The following MED13L variants were observed in gnomAD, a reference collection of about 807,000 sequenced individuals.
MED13L encodes mediator complex subunit 13L.
In MED13L, 7 loss-of-function variants were observed where a neutral mutation model predicts 220.9. The ratio of observed to expected loss-of-function variants is 0.03; its 90% CI spans 0.02 to 0.06. The LOEUF (loss-of-function observed/expected upper bound fraction) is 0.06. Among genes scored for constraint, MED13L ranks in the 10% least tolerant of loss-of-function variants. The pLI is 1.00. For missense variants in MED13L, 1,965 were observed against 2,760.5 expected, an observed-to-expected ratio of 0.71 and a Z score of 6.46; for synonymous variants, 1,011 against 1,015.2, an observed-to-expected ratio of 1.00 and a Z score of 0.08.
At chr12:116,129,829 A>C (rs1248599036) in intron 2 of MED13L, among the ~76,000 whole-genome samples, 1 of 152,054 alleles carries the variant, frequency 6.6e-6, no homozygotes, top group Non-Finnish European at 1.5e-5. Flanking sequence ...GAATCACTTG[A>C]AACAGGGAGG....
At chr12:116,113,240 C>T (rs977469178) in intron 2 of MED13L, among the ~76,000 whole-genome samples, 1 of 152,136 alleles carries the variant, frequency 6.6e-6, no homozygotes, top group Non-Finnish European at 1.5e-5. Context: ...TGATGCAGCA[C>T]TTGTGAAGAG....
intron 2 of MED13L, among the ~76,000 whole-genome samples, chr12:116,187,999 G>A (rs1321792207): frequency 6.6e-6 from 1 of 151,996 alleles, no homozygotes. Context: ...ATTTCAGAGT[G>A]CCAACAACAG....
In MED13L at chr12:116,148,376, T is replaced by C. The variant is rs571168799; in HGVS notation, c.311-36864A>G. Among the ~76,000 whole-genome samples, 19 of 152,016 alleles carry C rather than the reference T, an allele frequency of 1.2e-4. No homozygotes were observed. In the South Asian group the frequency reaches 2.5e-3, roughly 20 times the overall value. On this transcript the variant is annotated intron_variant, in intron 2 of 30. Transcript: ENST00000281928. The stretch of plus-strand genomic sequence containing the variant: ...TTATAATTGTTGATGGTGAACCTTA[T>C]AAATGGGATTATACTTCTCTCCTAC...
rs1992068 is a variant in MED13L at position 115,975,116 on chromosome 12, A to T, written c.5731+55T>A. 0.92 allele frequency: 1,424,596 copies of T among 1,542,800 alleles called. 658,063 individuals are homozygous for T. The highest frequency in any genetic ancestry group is 0.96 in the Admixed American group (57,215 of 59,872). The stretch of plus-strand genomic sequence containing the variant: ...TTCTCCCTTAGCTCAGTTAATGACA[A>T]TAGCTGAGCCCTTTTCCTCTGTCTT... On this transcript the variant is annotated intron_variant, in intron 25 of 30. Transcript: ENST00000281928.
chr12:116,170,800 C>T (rs2138181951), intron 2 of MED13L, among the ~76,000 whole-genome samples: 1 of 152,162 alleles, frequency 6.6e-6, no homozygotes, highest in South Asian at 2.1e-4. Flanking sequence ...GGGGTTTCAG[C>T]ATGTTAGCCA....
intron 2 of MED13L, among the ~76,000 whole-genome samples, chr12:116,158,769 C>T (rs566354316): frequency 5.3e-5 from 8 of 152,238 alleles, no homozygotes; most frequent in South Asian, 2.1e-4. Context: ...GAATTTACTA[C>T]GTCACTTAAT....
At chr12:116,018,875 G>A (rs1329142395) in intron 7 of MED13L, among the ~76,000 whole-genome samples, 1 of 145,232 alleles carries the variant, frequency 6.9e-6, no homozygotes, top group African/African-American at 2.6e-5. Flanking sequence ...CTCTGATTTA[G>A]TATTCTTCAG....
chr12:116,128,726 A>T (rs1396392884), intron 2 of MED13L, among the ~76,000 whole-genome samples: 4 of 152,236 alleles, frequency 2.6e-5, no homozygotes, highest in Admixed American at 2.6e-4. Context: ...CGTGTTCATT[A>T]TATCTGAAAT....
rs1190857852 is a variant in MED13L, at chr12:115,986,369, T to A, written c.4235A>T (p.Tyr1412Phe). 6.2e-7 allele frequency: 1 copy of A among 1,613,980 alleles called. No homozygotes were observed. The highest frequency in any genetic ancestry group is 1.3e-5 in the African/African-American group (1 of 74,896). The stretch of plus-strand genomic sequence containing the variant: ...ATAGGCAACATCACGGTGGCCCCCA[T>A]ATGGGTCCAACAAGAGCCTCTCCCA... ...PFWERLLLDPYGGHRDVAYIV... is the reference protein window; with the variant it reads ...PFWERLLLDPFGGHRDVAYIV... Residue 1412 changes from tyrosine to phenylalanine, a missense_variant, in exon 19 of 31, where the codon TAT (tyrosine) becomes TTT (phenylalanine). This residue lies in a region of MED13L where 510 missense variants were observed against 620.4 expected (regional missense o/e 0.82). Coordinates refer to ENST00000281928, the MANE Select transcript of MED13L (RefSeq NM_015335.5).
At chr12:116,179,592 C>A (rs1051127629) in intron 2 of MED13L, among the ~76,000 whole-genome samples, 1 of 151,744 alleles carries the variant, frequency 6.6e-6, no homozygotes, top group Non-Finnish European at 1.5e-5. Context: ...CCAGCCTGGG[C>A]GACATTCAAG....
In MED13L at chr12:116,196,485, A is replaced by G. The variant is rs1881633838; in HGVS notation, c.310+40983T>C. Reference sequence around the variant, plus strand: ...CCAGAGAAATGACACATGAGATAAGAGTGCTTTCTTTCCAAAACGGTGGCA... The same window carrying G: ...CCAGAGAAATGACACATGAGATAAGGGTGCTTTCTTTCCAAAACGGTGGCA... On this transcript the variant is annotated intron_variant, in intron 2 of 30. Coordinates refer to ENST00000281928, the MANE Select transcript of MED13L (RefSeq NM_015335.5). Among the ~76,000 whole-genome samples the G allele has an allele frequency of 2.0e-5, 3 of 152,314 alleles. No homozygotes were observed. The South Asian group carries it at 6.2e-4, about 32-fold the overall frequency.
At chr12:116,254,921 G>C (rs1871904876) in intron 1 of MED13L, among the ~76,000 whole-genome samples, 1 of 152,114 alleles carries the variant, frequency 6.6e-6, no homozygotes, top group Non-Finnish European at 1.5e-5. Context: ...TGAAGAGCCA[G>C]ACCATGTTCA....
At chr12:115,986,795 T>A (rs1877719821) in intron 18 of MED13L, among the ~76,000 whole-genome samples, 1 of 152,152 alleles carries the variant, frequency 6.6e-6, no homozygotes, top group Non-Finnish European at 1.5e-5. Context: ...TGATTCTGAC[T>A]ATGATGAAGT....
chr12:116,264,948 C>T (rs1266006098), intron 1 of MED13L, among the ~76,000 whole-genome samples: 3 of 152,160 alleles, frequency 2.0e-5, no homozygotes, highest in African/African-American at 7.2e-5. Context: ...GGTAACACAG[C>T]AAGACCCCAC....
chr12:115,980,812 T>G lies in MED13L; in HGVS notation c.5302A>C (p.Ile1768Leu), dbSNP rs1441469669. 1.2e-6 allele frequency: 2 copies of G among 1,614,112 alleles called. No homozygotes were observed. Among genetic ancestry groups the G allele is most frequent in the Non-Finnish European group, 1.7e-6 (2 of 1,180,010 alleles). ...CRRPLPTQIH[I>L]KSLTGFGPAA... ...GGCCCAAATCCCGTGAGGGATTTAA[T>G]GTGGATCTGTGTAGGCAGTGGTCGC... Residue 1768 changes from isoleucine to leucine, a missense_variant, in exon 23 of 31, where the codon ATT (isoleucine) becomes CTT (leucine). Ile to Leu is a conservative substitution (Grantham distance 5). Around this residue, in one of 10 missense-constraint regions of MED13L, gnomAD observed 510 missense variants for 620.4 expected, o/e 0.82. Coordinates refer to ENST00000281928, the MANE Select transcript of MED13L (RefSeq NM_015335.5).
intron 23 of MED13L, 164 bp downstream of exon 23, chr12:115,980,586 A>G: frequency 2.7e-6 from 2 of 753,472 alleles, no homozygotes; most frequent in Non-Finnish European, 4.6e-6. Context: ...AGCCTCCGAA[A>G]GTGCTAAGAC....
chr12:116,090,599 C>A (rs989162014), intron 4 of MED13L, among the ~76,000 whole-genome samples: 2 of 152,132 alleles, frequency 1.3e-5, no homozygotes, highest in African/African-American at 4.8e-5. Flanking sequence ...CTTAGAGAAT[C>A]AGAGAATCAG....
At chr12:116,137,227 T>A (rs750708014) in intron 2 of MED13L, among the ~76,000 whole-genome samples, 1 of 152,128 alleles carries the variant, frequency 6.6e-6, no homozygotes, top group Non-Finnish European at 1.5e-5. Flanking sequence ...TGAATGATGA[T>A]GTAGTGATAA....
At chr12:116,113,176 C>A (rs1874224887) in intron 2 of MED13L, among the ~76,000 whole-genome samples, 1 of 152,170 alleles carries the variant, frequency 6.6e-6, no homozygotes, top group Non-Finnish European at 1.5e-5. Context: ...TCAACCCAGT[C>A]ACTGGTGCAG....
Sources: allele counts gnomAD v4.1 joint callset (sites outside exome capture counted in the v4.1 genomes callset), GRCh38; gene constraint gnomAD v4.1.1; regional missense constraint gnomAD v4.1.1; transcripts MANE v1.5; gene names NCBI Gene and HGNC (gene_info 2026-07-23, HGNC 2026-07-21).